Variants in KIAA1217 observed in about 807,000 individuals in gnomAD.
KIAA1217 encodes sickle tail protein homolog.
In KIAA1217, 88 loss-of-function variants were observed where a neutral mutation model predicts 163.9. That is an observed-to-expected ratio of 0.54 (90% CI 0.45 to 0.64). The LOEUF (loss-of-function observed/expected upper bound fraction) is 0.64. KIAA1217 is among the 30% of genes least tolerant of loss of function. The pLI is 0.00. For missense variants in KIAA1217, 2,372 were observed against 2,475.0 expected (o/e 0.96, Z 0.88); for synonymous variants, 903 against 923.1 (o/e 0.98, Z 0.39).
At chr10:24,283,063 C>T (rs1241261360) in intron 2 of KIAA1217, among the ~76,000 whole-genome samples, 2 of 151,770 alleles carry the variant, frequency 1.3e-5, no homozygotes, top group African/African-American at 2.4e-5. Flanking sequence ...GAACTCCCAA[C>T]CTCAGGTGAT....
intron 1 of KIAA1217, among the ~76,000 whole-genome samples, chr10:23,744,775 G>C (rs1839305571): frequency 6.6e-6 from 1 of 152,176 alleles, no homozygotes; most frequent in Non-Finnish European, 1.5e-5. Context: ...GATTATGGAG[G>C]CTGGAAGGTA....
In KIAA1217 at chr10:23,789,953, A is replaced by C. The variant is rs557594036; in HGVS notation, c.-321+94719A>C. Among the ~76,000 whole-genome samples, 5 of 118,498 alleles carry C rather than the reference A, an allele frequency of 4.2e-5. 1 individual carries two copies. Among genetic ancestry groups the C allele is most frequent in the Non-Finnish European group, 8.5e-5 (5 of 58,916 alleles). 77.7% of individuals were successfully genotyped at this position (118,498 alleles called of 152,430 possible). A position where few individuals can be genotyped will look rare whatever the true frequency, so the allele number is the denominator to read the frequency against. On this transcript the variant is annotated intron_variant, in intron 1 of 18. Coordinates refer to the KIAA1217 transcript ENST00000376462. ...TATATACACATATACATATACATGTATATATACACATATACATATACATAT... is the reference window on the plus strand; with the variant it reads ...TATATACACATATACATATACATGTCTATATACACATATACATATACATAT...
At chr10:23,812,114 A>C (rs1407273495) in intron 1 of KIAA1217, among the ~76,000 whole-genome samples, 1 of 152,106 alleles carries the variant, frequency 6.6e-6, no homozygotes, top group African/African-American at 2.4e-5. Flanking sequence ...AACCCACTTA[A>C]GTTTGAGATA....
At chr10:24,116,853 T>C (rs1035438782) in intron 2 of KIAA1217, among the ~76,000 whole-genome samples, 1 of 152,206 alleles carries the variant, frequency 6.6e-6, no homozygotes, top group African/African-American at 2.4e-5. Context: ...GACTGTGTGG[T>C]ACTTATTTCT....
intron 2 of KIAA1217, among the ~76,000 whole-genome samples, chr10:24,242,332 G>A (rs1043357390): frequency 6.6e-6 from 1 of 152,190 alleles, no homozygotes; most frequent in Admixed American, 6.5e-5. Flanking sequence ...CCACTTGTAA[G>A]TGAGAACATG....
At chr10:23,747,079 A>G (rs1051259531) in intron 1 of KIAA1217, among the ~76,000 whole-genome samples, 1 of 152,206 alleles carries the variant, frequency 6.6e-6, no homozygotes, top group African/African-American at 2.4e-5. Context: ...AAGACTACGC[A>G]GGGCCTAGGG....
At chr10:24,243,992 C>A (rs944351585) in intron 2 of KIAA1217, among the ~76,000 whole-genome samples, 3 of 152,200 alleles carry the variant, frequency 2.0e-5, no homozygotes, top group Non-Finnish European at 2.9e-5. Context: ...GGGCTGCGTG[C>A]AGTGACTGAA....
intron 2 of KIAA1217, among the ~76,000 whole-genome samples, chr10:24,309,029 C>T (rs1283206082): frequency 6.7e-6 from 1 of 148,660 alleles, no homozygotes; most frequent in Non-Finnish European, 1.5e-5. Flanking sequence ...AGGCTGAGGT[C>T]GGAGGATCAC....
intron 17 of KIAA1217, among the ~76,000 whole-genome samples, chr10:24,540,152 T>C (rs2074799299): frequency 1.3e-5 from 2 of 152,218 alleles, no homozygotes; most frequent in Admixed American, 1.3e-4. Flanking sequence ...AACTTCACAT[T>C]TTTATCCTAG....
intron 3 of KIAA1217, among the ~76,000 whole-genome samples, chr10:24,415,500 G>C (rs1331409347): frequency 1.3e-5 from 2 of 151,662 alleles, no homozygotes; most frequent in East Asian, 3.9e-4. Context: ...AAAAAAAAAA[G>C]CATATAAAGA....
intron 1 of KIAA1217, among the ~76,000 whole-genome samples, chr10:23,725,265 CAG>C (rs1306514829): frequency 1.3e-5 from 2 of 152,164 alleles, no homozygotes; most frequent in African/African-American, 4.8e-5. Context: ...GTGACTGATT[CAG>C]AGTCTTAATG....
chr10:23,722,951 T>C (rs1823287929), intron 1 of KIAA1217, among the ~76,000 whole-genome samples: 1 of 152,114 alleles, frequency 6.6e-6, no homozygotes, highest in Admixed American at 6.6e-5. Context: ...ATATCCTGAG[T>C]GTTGGCCTCA....
intron 1 of KIAA1217, among the ~76,000 whole-genome samples, chr10:23,813,700 T>C (rs1042430743): frequency 6.6e-6 from 1 of 152,222 alleles, no homozygotes; most frequent in Non-Finnish European, 1.5e-5. Context: ...TGTAAATACA[T>C]GTTGATCCAA....
chr10:24,289,516 C>T (rs1307876766), intron 2 of KIAA1217, among the ~76,000 whole-genome samples: 2 of 151,878 alleles, frequency 1.3e-5, no homozygotes, highest in Non-Finnish European at 2.9e-5. Context: ...GCTGAATTGT[C>T]CTCATGGAGG....
At chr10:24,507,144 T>C (rs77371925) in intron 9 of KIAA1217, among the ~76,000 whole-genome samples, 1 of 152,168 alleles carries the variant, frequency 6.6e-6, no homozygotes, top group East Asian at 1.9e-4. Context: ...CTACCCTTGA[T>C]TTAACCTAAC....
intron 1 of KIAA1217, among the ~76,000 whole-genome samples, chr10:23,835,026 G>A (rs187490654): frequency 2.0e-5 from 3 of 152,266 alleles, no homozygotes; most frequent in Non-Finnish European, 1.5e-5. Flanking sequence ...AAGACGTCTA[G>A]GCTGGGAGTT....
chr10:24,277,924 C>T (rs1723996811), intron 2 of KIAA1217, among the ~76,000 whole-genome samples: 1 of 152,216 alleles, frequency 6.6e-6, no homozygotes, highest in Non-Finnish European at 1.5e-5. Context: ...GGGAACTTCT[C>T]CCCTGTGATA....
At chr10:24,333,705 G>T (rs2045979778) in intron 2 of KIAA1217, among the ~76,000 whole-genome samples, 1 of 152,122 alleles carries the variant, frequency 6.6e-6, no homozygotes, top group African/African-American at 2.4e-5. Flanking sequence ...TTAAGCTCAG[G>T]GTCTTAGGCT....
intron 1 of KIAA1217, among the ~76,000 whole-genome samples, chr10:24,216,684 G>A (rs1022699103): frequency 2.0e-5 from 3 of 151,420 alleles, no homozygotes; most frequent in African/African-American, 7.3e-5. Flanking sequence ...AAAATTAGCC[G>A]GGCATGGTTG....
Sources: allele counts gnomAD v4.1 joint callset (sites outside exome capture counted in the v4.1 genomes callset), GRCh38; gene constraint gnomAD v4.1.1; transcripts MANE v1.5; gene names NCBI Gene and HGNC (gene_info 2026-07-23, HGNC 2026-07-21).